Variants in DAB1 observed in about 807,000 individuals in gnomAD.
DAB1 encodes the protein disabled homolog 1.
Under a neutral mutation model 64.6 loss-of-function variants are expected in DAB1, and 15 were observed. The observed-to-expected ratio is 0.23, with a 90% confidence interval of 0.16 to 0.36. The LOEUF is 0.36. Ranked by LOEUF, DAB1 falls within the 10% of genes least tolerant of loss-of-function variation. DAB1 has a pLI of 1.00. For missense variants in DAB1, 596 were observed against 706.7 expected, an observed-to-expected ratio of 0.84 and a Z score of 1.78; for synonymous variants, 235 against 251.9, an observed-to-expected ratio of 0.93 and a Z score of 0.64.
intron 2 of DAB1, among the ~76,000 whole-genome samples, chr1:57,236,634 C>T (rs948650266): frequency 6.6e-6 from 1 of 152,206 alleles, no homozygotes; most frequent in Non-Finnish European, 1.5e-5. Flanking sequence ...TTACGTCATG[C>T]TACAGAGCTT....
chr1:57,086,093 G>C (rs917299489), intron 4 of DAB1, among the ~76,000 whole-genome samples: 2 of 152,152 alleles, frequency 1.3e-5, no homozygotes, highest in South Asian at 2.1e-4. Context: ...AAGACAGGCA[G>C]GGGTCAGGGG....
chr1:57,434,930 T>C (rs1558376208), intron 7 of DAB1, among the ~76,000 whole-genome samples: 1 of 152,044 alleles, frequency 6.6e-6, no homozygotes, highest in African/African-American at 2.4e-5. Flanking sequence ...AAGTGGCGAG[T>C]GAATGTGAAG....
intron 1 of DAB1, among the ~76,000 whole-genome samples, chr1:57,323,947 CTCTAA>C (rs1675943741): frequency 6.6e-6 from 1 of 151,952 alleles, no homozygotes; most frequent in African/African-American, 2.4e-5. Flanking sequence ...TGGGATTTCT[CTCTAA>C]TCTGAGAGCA....
chr1:58,160,307 G>A (rs78757742), intron 4 of DAB1, among the ~76,000 whole-genome samples: 1,655 of 152,244 alleles, frequency 0.011, 32 homozygotes, highest in African/African-American at 0.038. Context: ...GCAGGTTTAA[G>A]AGCAGAGCAG....
intron 2 of DAB1, among the ~76,000 whole-genome samples, chr1:57,196,935 G>A (rs1664669584): frequency 6.6e-6 from 1 of 152,154 alleles, no homozygotes; most frequent in South Asian, 2.1e-4. Flanking sequence ...CATACATCAG[G>A]TACTTCCTAA....
At chr1:58,319,137 G>A (rs1037253825) in intron 4 of DAB1, among the ~76,000 whole-genome samples, 9 of 152,068 alleles carry the variant, frequency 5.9e-5, no homozygotes, top group Admixed American at 4.6e-4. Context: ...GAGAAAGAGG[G>A]GGCTGGGGGC....
intron 2 of DAB1, among the ~76,000 whole-genome samples, chr1:57,267,419 G>C (rs1040067085): frequency 6.6e-6 from 1 of 152,206 alleles, no homozygotes; most frequent in Admixed American, 6.5e-5. Flanking sequence ...TTCAATCTCT[G>C]TCATAAAGAC....
At chr1:57,930,359 C>T (rs929128683) in intron 5 of DAB1, among the ~76,000 whole-genome samples, 1 of 152,158 alleles carries the variant, frequency 6.6e-6, no homozygotes, top group African/African-American at 2.4e-5. Context: ...GTTGGCTATT[C>T]TGGGTCTTTT....
intron 3 of DAB1, among the ~76,000 whole-genome samples, chr1:58,383,979 A>G (rs1644412093): frequency 6.6e-6 from 1 of 151,590 alleles, no homozygotes; most frequent in Non-Finnish European, 1.5e-5. Context: ...CAGCTGCACT[A>G]TTTTTACTTT....
At chr1:57,744,284 G>A (rs1648154893) in intron 6 of DAB1, among the ~76,000 whole-genome samples, 1 of 152,214 alleles carries the variant, frequency 6.6e-6, no homozygotes, top group African/African-American at 2.4e-5. Context: ...TACCTCTGGT[G>A]AGCAGAGAAC....
At chr1:57,127,329 A>G (rs1198150922) in intron 4 of DAB1, among the ~76,000 whole-genome samples, 1 of 152,168 alleles carries the variant, frequency 6.6e-6, no homozygotes, top group Non-Finnish European at 1.5e-5. Context: ...GTCTTTCTCC[A>G]TTACTCAGTT....
rs1285014753 is a variant in DAB1 at position 57,290,960 on chromosome 1, C to T, written c.67+4G>A. 6 of 1,609,130 alleles carry T rather than the reference C, an allele frequency of 3.7e-6. No individual in the cohort carries two copies. The highest frequency in any genetic ancestry group is 4.2e-6 in the Non-Finnish European group (5 of 1,176,924). On this transcript the variant is annotated splice_donor_region_variant and intron_variant, in intron 2 of 14. Transcript: ENST00000371236. ...CATTAAAAAAAGGTCAAATTCAGCC[C>T]TACCTTTCTTTCTGGAGTCTTTCTT...
chr1:58,423,782 G>A (rs972087612), intron 3 of DAB1, among the ~76,000 whole-genome samples: 2 of 152,218 alleles, frequency 1.3e-5, no homozygotes, highest in East Asian at 1.9e-4. Context: ...CAAGGCACAG[G>A]GGAAATAATG....
chr1:57,914,067 C>A (rs529623768), intron 5 of DAB1, among the ~76,000 whole-genome samples: 2 of 152,254 alleles, frequency 1.3e-5, no homozygotes, highest in African/African-American at 4.8e-5. Context: ...ACTAGAAATA[C>A]CATTTGACCC....
chr1:58,228,306 T>C (rs1440084938), intron 4 of DAB1, among the ~76,000 whole-genome samples: 2 of 152,174 alleles, frequency 1.3e-5, no homozygotes, highest in Non-Finnish European at 2.9e-5. Context: ...GTAATAAATG[T>C]GGAAAATATT....
chr1:57,255,393 G>A (rs75925556), intron 2 of DAB1, among the ~76,000 whole-genome samples: 1 of 152,148 alleles, frequency 6.6e-6, no homozygotes, highest in African/African-American at 2.4e-5. Context: ...CAGGTGAGGT[G>A]GCTCATGACT....
At chr1:58,036,755 C>T (rs1647050839) in intron 5 of DAB1, among the ~76,000 whole-genome samples, 1 of 151,952 alleles carries the variant, frequency 6.6e-6, no homozygotes. Flanking sequence ...TAGGTAGAGG[C>T]CAGACATGTG....
At chr1:57,538,267 T>C (rs1644754696) in intron 7 of DAB1, among the ~76,000 whole-genome samples, 1 of 152,164 alleles carries the variant, frequency 6.6e-6, no homozygotes, top group African/African-American at 2.4e-5. Flanking sequence ...CTGTGTTTAT[T>C]CTTTGGCCCA....
intron 7 of DAB1, among the ~76,000 whole-genome samples, chr1:57,491,622 A>G (rs1644166839): frequency 6.6e-6 from 1 of 152,186 alleles, no homozygotes; most frequent in Non-Finnish European, 1.5e-5. Flanking sequence ...GCAGAGCTTG[A>G]GTATAGCTAT....
Sources: gnomAD v4.1 joint callset for allele counts (sites outside exome capture counted in the v4.1 genomes callset) on GRCh38, gnomAD v4.1.1 for gene constraint, MANE v1.5 for transcripts, NCBI Gene and HGNC (gene_info 2026-07-23, HGNC 2026-07-21) for gene names.